Variants in CNTN5 observed in about 807,000 individuals in gnomAD.
The protein encoded by CNTN5 is contactin 5.
A neutral mutation model predicts 129.1 loss-of-function variants in CNTN5; 77 were observed. The ratio of observed to expected loss-of-function variants is 0.60; its 90% confidence interval spans 0.50 to 0.72. CNTN5 has a LOEUF of 0.72. Among genes scored for constraint, CNTN5 ranks in the 30% least tolerant of loss-of-function variants. The pLI is 0.00. For synonymous variants in CNTN5, 509 were observed against 465.6 expected, an observed-to-expected ratio of 1.09 and a Z score of -1.20; for missense variants, 1,478 against 1,328.8, an observed-to-expected ratio of 1.11 and a Z score of -1.75.
chr11:100,262,865 C>T (rs1565381267), intron 17 of CNTN5, among the ~76,000 whole-genome samples: 1 of 152,020 alleles, frequency 6.6e-6, no homozygotes, highest in African/African-American at 2.4e-5. Flanking sequence ...GTGCAGCAAA[C>T]CACCATGGCA....
intron 3 of CNTN5, among the ~76,000 whole-genome samples, chr11:99,758,266 G>T (rs1451649054): frequency 1.3e-5 from 2 of 151,814 alleles, no homozygotes; most frequent in East Asian, 3.9e-4. Context: ...TTATTTAATT[G>T]TTCAACCAAT....
chr11:99,669,473 T>TGTGC (rs1491229606), intron 3 of CNTN5, among the ~76,000 whole-genome samples: 2 of 18,404 alleles, frequency 1.1e-4, no homozygotes, highest in Admixed American at 7.5e-4. Flanking sequence ...TGTGTGTGTG[T>TGTGC]ATATGTGTAT....
At chr11:99,820,746 T>C (rs2135561287) in intron 4 of CNTN5, among the ~76,000 whole-genome samples, 1 of 152,372 alleles carries the variant, frequency 6.6e-6, no homozygotes, top group African/African-American at 2.4e-5. Flanking sequence ...GTCACACTGC[T>C]AATAGGTATC....
At chr11:99,512,707 C>T (rs1007273534) in intron 2 of CNTN5, among the ~76,000 whole-genome samples, 1 of 152,044 alleles carries the variant, frequency 6.6e-6, no homozygotes, top group Non-Finnish European at 1.5e-5. Context: ...TTTGATGTCA[C>T]TATTGTAATT....
At chr11:99,558,272 C>T (rs1486763371) in intron 3 of CNTN5, 5 of 429,454 alleles carry the variant, frequency 1.2e-5, no homozygotes, top group African/African-American at 1.0e-4. Context: ...ATGTCATTTT[C>T]CTCTTGAACT....
At chr11:99,936,011 C>T (rs911540471) in intron 7 of CNTN5, among the ~76,000 whole-genome samples, 1 of 152,142 alleles carries the variant, frequency 6.6e-6, no homozygotes, top group Non-Finnish European at 1.5e-5. Context: ...TTCCTGTCTA[C>T]TTTTACGTTG....
At chr11:99,059,355 C>T (rs1363531594) in intron 1 of CNTN5, among the ~76,000 whole-genome samples, 1 of 151,994 alleles carries the variant, frequency 6.6e-6, no homozygotes, top group African/African-American at 2.4e-5. Flanking sequence ...AGAGAGGGAA[C>T]TTTACTTCAT....
chr11:100,264,728 A>G (rs373648409), intron 17 of CNTN5, among the ~76,000 whole-genome samples: 3 of 152,138 alleles, frequency 2.0e-5, no homozygotes, highest in Admixed American at 2.0e-4. Flanking sequence ...AATGATTTGT[A>G]TTCCTTTGGG....
chr11:99,548,150 T>C (rs1180636064), intron 2 of CNTN5, among the ~76,000 whole-genome samples: 1 of 152,180 alleles, frequency 6.6e-6, no homozygotes, highest in Non-Finnish European at 1.5e-5. Context: ...TATTATTATT[T>C]TTCTCTGTAA....
chr11:99,841,908 T>C (rs1947517837), intron 4 of CNTN5, among the ~76,000 whole-genome samples: 1 of 148,646 alleles, frequency 6.7e-6, no homozygotes, highest in Non-Finnish European at 1.5e-5. Context: ...TTTTTTTTTA[T>C]GGAGTTTCAC....
intron 1 of CNTN5, among the ~76,000 whole-genome samples, chr11:99,193,325 G>A (rs975108019): frequency 6.6e-6 from 1 of 152,148 alleles, no homozygotes; most frequent in African/African-American, 2.4e-5. Flanking sequence ...AAACAAGAAT[G>A]GAGAGTCGAA....
At chr11:99,623,959 G>A (rs1951043384) in intron 3 of CNTN5, among the ~76,000 whole-genome samples, 1 of 152,070 alleles carries the variant, frequency 6.6e-6, no homozygotes, top group East Asian at 1.9e-4. Flanking sequence ...AATTAAGGGT[G>A]AGAAGTTGAT....
chr11:100,194,448 A>G (rs1948582295), intron 15 of CNTN5, among the ~76,000 whole-genome samples: 2 of 151,980 alleles, frequency 1.3e-5, no homozygotes, highest in African/African-American at 4.8e-5. Flanking sequence ...ATTTTTGCCT[A>G]CAAATTGGAT....
intron 2 of CNTN5, among the ~76,000 whole-genome samples, chr11:99,440,541 G>T (rs1181059158): frequency 6.6e-6 from 1 of 152,116 alleles, no homozygotes; most frequent in Non-Finnish European, 1.5e-5. Flanking sequence ...TAGGTTACCT[G>T]TTCAGATAGA....
chr11:99,737,888 C>T (rs1215522906), intron 3 of CNTN5, among the ~76,000 whole-genome samples: 7 of 152,052 alleles, frequency 4.6e-5, no homozygotes, highest in Non-Finnish European at 8.8e-5. Context: ...ATCATACCAT[C>T]GGTGATGTCC....
chr11:99,371,545 G>A (rs1939824499), intron 2 of CNTN5, among the ~76,000 whole-genome samples: 1 of 151,998 alleles, frequency 6.6e-6, no homozygotes, highest in South Asian at 2.1e-4. Context: ...GACTAGATGG[G>A]CTAATTTCTT....
chr11:100,010,682 A>G (rs1213694226), intron 9 of CNTN5, among the ~76,000 whole-genome samples: 1 of 152,094 alleles, frequency 6.6e-6, no homozygotes, highest in African/African-American at 2.4e-5. Context: ...TGGAGCTGAG[A>G]GGTGGTCATT....
At chr11:99,175,310 G>A (rs1410070262) in intron 1 of CNTN5, among the ~76,000 whole-genome samples, 5 of 152,152 alleles carry the variant, frequency 3.3e-5, no homozygotes, top group African/African-American at 1.2e-4. Context: ...GTACCAAACT[G>A]TCATGTGGAA....
chr11:99,668,515 C>T (rs1205574626), intron 3 of CNTN5, among the ~76,000 whole-genome samples: 1 of 152,148 alleles, frequency 6.6e-6, no homozygotes, highest in African/African-American at 2.4e-5. Context: ...GTACTAAAAC[C>T]AGGAAATGTG....
Sources: gnomAD v4.1 joint callset for allele counts (sites outside exome capture counted in the v4.1 genomes callset) on GRCh38, gnomAD v4.1.1 for gene constraint, MANE v1.5 for transcripts, NCBI Gene and HGNC (gene_info 2026-07-23, HGNC 2026-07-21) for gene names.